RTN1: variants seen among roughly 807,000 people sequenced by gnomAD.
The protein encoded by RTN1 is reticulon 1, also known as reticulon-1.
Under a neutral mutation model 65.5 loss-of-function variants are expected in RTN1, and 25 were observed. The observed-to-expected ratio is 0.38, with a 90% confidence interval of 0.28 to 0.53. The LOEUF is 0.53. RTN1 is among the 20% of genes least tolerant of loss of function. The pLI is 0.79. For missense variants in RTN1, 983 were observed against 1,025.4 expected (o/e 0.96, Z 0.57); for synonymous variants, 471 against 447.6 (o/e 1.05, Z -0.66).
chr14:59,847,129 T>C (rs1331009675), intron 1 of RTN1, among the ~76,000 whole-genome samples: 1 of 152,214 alleles, frequency 6.6e-6, no homozygotes, highest in Non-Finnish European at 1.5e-5. Context: ...TTTCTGACTT[T>C]CTCATCTGCT....
chr14:59,815,576 T>C (rs1352426979), intron 1 of RTN1, among the ~76,000 whole-genome samples: 1 of 152,184 alleles, frequency 6.6e-6, no homozygotes, highest in Non-Finnish European at 1.5e-5. Flanking sequence ...GACCGAAAGC[T>C]CATTGCCTAA....
At chr14:59,782,385 T>A (rs1301654251) in intron 1 of RTN1, among the ~76,000 whole-genome samples, 1 of 152,218 alleles carries the variant, frequency 6.6e-6, no homozygotes, top group Non-Finnish European at 1.5e-5. Flanking sequence ...AGATTCACTT[T>A]TTAATCCTTG....
At chr14:59,619,429 A>C (rs1882195918) in intron 3 of RTN1, among the ~76,000 whole-genome samples, 1 of 152,202 alleles carries the variant, frequency 6.6e-6, no homozygotes, top group African/African-American at 2.4e-5. Context: ...TAGAAGTTAA[A>C]TGACTTGCTC....
intron 3 of RTN1, among the ~76,000 whole-genome samples, chr14:59,726,439 A>C (rs1030485354): frequency 6.6e-6 from 1 of 152,192 alleles, no homozygotes; most frequent in Admixed American, 6.5e-5. Context: ...GGTAAGAGAA[A>C]GGATGGAGCT....
chr14:59,858,147 G>A (rs1831654335), intron 1 of RTN1, among the ~76,000 whole-genome samples: 1 of 152,136 alleles, frequency 6.6e-6, no homozygotes, highest in African/African-American at 2.4e-5. Flanking sequence ...AGGAGGAAAT[G>A]GGGAAAGGGT....
intron 1 of RTN1, among the ~76,000 whole-genome samples, chr14:59,830,661 C>T (rs949177119): frequency 6.6e-6 from 1 of 152,164 alleles, no homozygotes; most frequent in Non-Finnish European, 1.5e-5. Flanking sequence ...AGATCATTTG[C>T]GCTTGAATAA....
rs1885859210 is a variant in RTN1 at position 59,766,820 on chromosome 14, C to T, written c.242-20339G>A. On this transcript the variant is annotated intron_variant, in intron 1 of 8. Transcript: ENST00000267484. This position sits in a 1 kb window ranked among gnomAD's most constrained non-coding sequence, Gnocchi z 4.4. The stretch of plus-strand genomic sequence containing the variant: ...GTGGAAATCCTAAAGTAGATATTTG[C>T]TAACATTATGAGAATTGTGAAGACA... 6.6e-6 allele frequency among the ~76,000 whole-genome samples: 1 copy of T among 152,046 alleles called. No homozygotes were observed. Among genetic ancestry groups the T allele is most frequent in the South Asian group, 2.1e-4 (1 of 4,820 alleles).
At chr14:59,865,711 T>G (rs1403121041) in intron 1 of RTN1, among the ~76,000 whole-genome samples, 1 of 152,194 alleles carries the variant, frequency 6.6e-6, no homozygotes, top group Non-Finnish European at 1.5e-5. Context: ...CCTAGAGCAT[T>G]CCTATGTAGA....
chr14:59,656,878 T>G (rs1883132522), intron 3 of RTN1, among the ~76,000 whole-genome samples: 1 of 152,250 alleles, frequency 6.6e-6, no homozygotes, highest in Non-Finnish European at 1.5e-5. Flanking sequence ...CTCAGACTTC[T>G]GCTCCTTGCA....
intron 3 of RTN1, among the ~76,000 whole-genome samples, chr14:59,654,524 A>G (rs1266916779): frequency 7.0e-6 from 1 of 143,336 alleles, no homozygotes; most frequent in Non-Finnish European, 1.5e-5. Context: ...AGTCATTATG[A>G]AAAAAAAAAA....
At chr14:59,770,628 C>T (rs1885938428) in intron 1 of RTN1, among the ~76,000 whole-genome samples, 1 of 151,934 alleles carries the variant, frequency 6.6e-6, no homozygotes, top group African/African-American at 2.4e-5. Flanking sequence ...TGTTTATTTT[C>T]AAAACCCAGA....
intron 1 of RTN1, among the ~76,000 whole-genome samples, chr14:59,824,122 A>T (rs1467985893): frequency 7.2e-5 from 11 of 152,230 alleles, no homozygotes. Flanking sequence ...TAAAACGCTG[A>T]ACCCAATACC....
In RTN1 at chr14:59,836,237, A is replaced by T. The variant is rs1887210555; in HGVS notation, c.241+34153T>A. ...CACAGGTTCCAGGGATTAGACGTGG[A>T]CACCTTTGGGAGCCATTATTCTGCC... On this transcript the variant is annotated intron_variant, in intron 1 of 8. Transcript: ENST00000267484. This position sits in a 1 kb window ranked among gnomAD's most constrained non-coding sequence, Gnocchi z 4.9. 6.6e-6 allele frequency among the ~76,000 whole-genome samples: 1 copy of T among 152,244 alleles called. No individual in the cohort carries two copies. The highest frequency in any genetic ancestry group is 1.9e-4 in the East Asian group (1 of 5,202).
At chr14:59,653,580 TAAATATAAGCAATAA>T (rs1452122228) in intron 3 of RTN1, among the ~76,000 whole-genome samples, 3 of 151,650 alleles carry the variant, frequency 2.0e-5, no homozygotes, top group African/African-American at 4.8e-5. Flanking sequence ...TATAAAGCAA[TAAATATAAGCAATAA>T]AAATATAAGC....
chr14:59,682,186 T>A (rs926346376), intron 3 of RTN1, among the ~76,000 whole-genome samples: 13 of 152,316 alleles, frequency 8.5e-5, no homozygotes, highest in Middle Eastern at 6.8e-3. Context: ...ATTTCACCCT[T>A]TGAGGACTTT....
At chr14:59,767,473 C>T (rs1297600724) in intron 1 of RTN1, among the ~76,000 whole-genome samples, 1 of 152,198 alleles carries the variant, frequency 6.6e-6, no homozygotes, top group East Asian at 1.9e-4. Flanking sequence ...ACTGATAAAT[C>T]AGAGAGAAAC....
chr14:59,855,929 G>T (rs372692023), intron 1 of RTN1, among the ~76,000 whole-genome samples: 77 of 152,288 alleles, frequency 5.1e-4, no homozygotes, highest in Middle Eastern at 3.4e-3. Context: ...GCTGGATACA[G>T]TGATTACTGT....
chr14:59,701,083 G>C (rs2094933836), intron 3 of RTN1, among the ~76,000 whole-genome samples: 1 of 152,080 alleles, frequency 6.6e-6, no homozygotes, highest in Non-Finnish European at 1.5e-5. Flanking sequence ...CTGCAAAGAA[G>C]ACCAATGGCT....
intron 3 of RTN1, among the ~76,000 whole-genome samples, chr14:59,680,779 G>T (rs1883729854): frequency 6.6e-6 from 1 of 152,102 alleles, no homozygotes; most frequent in African/African-American, 2.4e-5. Flanking sequence ...GTTTTTTAAA[G>T]CTAAAATCTA....
Sources: allele counts gnomAD v4.1 joint callset (sites outside exome capture counted in the v4.1 genomes callset), GRCh38; gene constraint gnomAD v4.1.1; non-coding constraint Gnocchi (gnomAD v3.1); transcripts MANE v1.5; gene names NCBI Gene and HGNC (gene_info 2026-07-23, HGNC 2026-07-21).